FSCN2: variants seen among roughly 807,000 people sequenced by gnomAD.
FSCN2 encodes the protein fascin actin-bundling protein 2, retinal, also known as fascin-2.
Under a neutral mutation model 37.8 loss-of-function variants are expected in FSCN2, and 46 were observed. The ratio of observed to expected loss-of-function variants is 1.22; its 90% confidence interval spans 0.96 to 1.56. FSCN2 has a LOEUF of 1.56. Among genes scored for constraint, FSCN2 ranks in the 40% most tolerant of loss-of-function variants. FSCN2 has a pLI of 0.00. For missense variants in FSCN2, 844 were observed against 730.4 expected (o/e 1.16, Z -1.79); for synonymous variants, 351 against 309.4 (o/e 1.13, Z -1.41).
At position 81,536,903 on chromosome 17, in the gene FSCN2, C is replaced by T. The variant is rs761721612; in HGVS notation, c.1302C>T (p.Gly434=). The T allele has an allele frequency of 2.1e-5, 33 of 1,574,472 alleles. No homozygotes were observed. In the African/African-American group the frequency reaches 3.3e-4, roughly 16 times the overall value. The change falls in exon 5 of 5, where the codon GGC becomes GGT. Residue 434 remains glycine, a synonymous_variant. Transcript: ENST00000417245. ...RGRDGGFWYT[G]SHGSVCSDGE... is the part of the protein sequence containing the mutation. ...GCGACGGAGGGTTCTGGTACACGGG[C>T]AGCCACGGCAGCGTGTGCAGCGACG...
chr17:81,535,845 A>C (rs1326012871), intron 2 of FSCN2, among the ~76,000 whole-genome samples: 8 of 54,998 alleles, frequency 1.5e-4, no homozygotes, highest in African/African-American at 5.7e-4. Flanking sequence ...CCCCATCCCC[A>C]TCTCCATCAC....
chr17:81,529,695 C>T (rs2032486696), intron 1 of FSCN2: 1 of 562,964 alleles, frequency 1.8e-6, no homozygotes, highest in Non-Finnish European at 3.4e-6. Flanking sequence ...GGGCAGTGCC[C>T]AGCAGGGGCA....
chr17:81,536,887 G>T lies in FSCN2; in HGVS notation c.1286G>T (p.Gly429Val). 6.4e-7 allele frequency: 1 copy of T among 1,574,690 alleles called. No homozygotes were observed. The highest frequency in any genetic ancestry group is 1.1e-5 in the South Asian group (1 of 87,752). Reference protein sequence around the residue: ...GAYRIRGRDGGFWYTGSHGSV... With the variant: ...GAYRIRGRDGVFWYTGSHGSV... Reference sequence around the variant, plus strand: ...TCCCGTCCCCCAGGCCGCGACGGAGGGTTCTGGTACACGGGCAGCCACGGC... The same window carrying T: ...TCCCGTCCCCCAGGCCGCGACGGAGTGTTCTGGTACACGGGCAGCCACGGC... The change falls in exon 5 of 5, where the codon GGG (glycine) becomes GTG (valine). Residue 429 changes from glycine to valine, a missense_variant. Coordinates refer to ENST00000417245, the MANE Select transcript of FSCN2 (RefSeq NM_012418.4).
intron 1 of FSCN2, among the ~76,000 whole-genome samples, chr17:81,531,341 G>A (rs199525617): frequency 3.1e-5 from 4 of 128,474 alleles, no homozygotes; most frequent in African/African-American, 8.7e-5. Flanking sequence ...TGGTGATGGT[G>A]GTGGTGATGA....
In FSCN2 at chr17:81,531,744, ATGATAG is replaced by A. The variant is rs1568078108; in HGVS notation, c.826+2392_826+2397del. 2.3e-3 allele frequency among the ~76,000 whole-genome samples: 124 copies of A among 52,826 alleles called. 5 individuals are homozygous for A. The highest frequency in any genetic ancestry group is 8.2e-3 in the African/African-American group (87 of 10,620). The allele number at this position is 52,826 out of a possible 152,430, so 34.7% of individuals were successfully genotyped here. A position where few individuals can be genotyped will look rare whatever the true frequency, so the allele number is the denominator to read the frequency against. On this transcript the variant is annotated intron_variant, in intron 1 of 4. Transcript: ENST00000417245. ...GGTGATGGTGATGGTGATGATGGTG[ATGATAG>A]TGATGGCGATGATGGTGATGATAGT...
chr17:81,519,087 T>C, the FSCN2 span: 1 of 152,268 alleles, frequency 6.6e-6, no homozygotes, highest in Non-Finnish European at 1.5e-5. Context: ...CTTGAGCTGG[T>C]CTGCATTCGG....
upstream of FSCN2, chr17:81,528,355 G>T: frequency 5.1e-6 from 3 of 589,356 alleles, no homozygotes; most frequent in Non-Finnish European, 9.1e-6. Context: ...TCTAAGAGCT[G>T]CCCAGGCTGC....
chr17:81,527,682 G>A (rs1019812176), upstream of FSCN2: 1 of 152,362 alleles, frequency 6.6e-6, no homozygotes, highest in East Asian at 1.9e-4. Context: ...TCACAGCAGA[G>A]GAGGGGGCAG....
At chr17:81,535,598 G>A (rs1345770695) in intron 2 of FSCN2, among the ~76,000 whole-genome samples, 6 of 56,300 alleles carry the variant, frequency 1.1e-4, no homozygotes, top group African/African-American at 3.7e-4. Context: ...TCTCTACCAT[G>A]CCCATCACCA....
Position 81,529,356 on chromosome 17 carries a change from A to G in FSCN2, c.825A>G (p.Gln275=). 3 of 1,536,582 alleles carry G rather than the reference A, an allele frequency of 2.0e-6. No individual in the cohort carries two copies. The South Asian group carries it at 3.8e-5, about 20-fold the overall frequency. Residue 275 remains glutamine (Q), a splice_region_variant and synonymous_variant, in exon 1 of 5, where the codon CAA becomes CAG. Coordinates refer to ENST00000417245, the MANE Select transcript of FSCN2 (RefSeq NM_012418.4). Reference sequence around the variant, plus strand: ...ACCACCGCTACGTCTCTGTGCGGCAAGGTAGGGAGGGCACAGGTGGCGACC... The same window carrying G: ...ACCACCGCTACGTCTCTGTGCGGCAGGGTAGGGAGGGCACAGGTGGCGACC... The part of the protein sequence containing the change: ...AANHRYVSVR[Q]GVNVSANQDD...
chr17:81,518,585 ACT>A, the FSCN2 span, among the ~76,000 whole-genome samples: 1 of 151,414 alleles, frequency 6.6e-6, no homozygotes, highest in East Asian at 2.0e-4. Flanking sequence ...GTTTTCGCTG[ACT>A]CTCCGCACGG....
chr17:81,533,319 C>A (rs918582179), intron 1 of FSCN2, among the ~76,000 whole-genome samples: 4 of 152,204 alleles, frequency 2.6e-5, no homozygotes, highest in Non-Finnish European at 5.9e-5. Context: ...AGAAAACTGG[C>A]CACAGGCTGG....
upstream of FSCN2, chr17:81,527,476 C>A (rs1390607762): frequency 6.6e-6 from 1 of 152,504 alleles, no homozygotes; most frequent in Non-Finnish European, 1.5e-5. Context: ...GGAAGGGGTA[C>A]AGCCAGGTGG....
chr17:81,531,501 ATGGTGG>A (rs1467251043), intron 1 of FSCN2, among the ~76,000 whole-genome samples: 3 of 73,784 alleles, frequency 4.1e-5, no homozygotes, highest in South Asian at 5.4e-4. Flanking sequence ...GGTGATGGTG[ATGGTGG>A]TGATGGTGAT....
chr17:81,532,592 GATGGTGATGATGGTGATGGTGATGATA>G (rs2032727626), intron 1 of FSCN2, among the ~76,000 whole-genome samples: 12 of 148,956 alleles, frequency 8.1e-5, no homozygotes, highest in South Asian at 4.2e-4. Context: ...TAGTGATGGT[GATGGTGATGATGGTGATGGTGATGATA>G]ATGGTGATGA....
intron 1 of FSCN2, among the ~76,000 whole-genome samples, chr17:81,531,425 G>A (rs2032583125): frequency 7.1e-6 from 1 of 141,520 alleles, no homozygotes; most frequent in Non-Finnish European, 1.6e-5. Context: ...TGGTGATAGT[G>A]ATGATGGAGA....
In FSCN2 at chr17:81,529,285, T is replaced by C. The variant is rs782334536; in HGVS notation, c.754T>C (p.Phe252Leu). 5.1e-6 allele frequency: 8 copies of C among 1,583,712 alleles called. No homozygotes were observed. Among genetic ancestry groups the C allele is most frequent in the Non-Finnish European group, 6.0e-6 (7 of 1,162,888 alleles). The change falls in exon 1 of 5, where the codon TTT becomes CTT. Residue 252 changes from phenylalanine to leucine, a missense_variant. Phe to Leu is a conservative substitution (Grantham distance 22). Transcript: ENST00000417245. ...RNTRPGKDEL[F>L]DLEESHPQVV... ...CACGCGACCTGGCAAGGATGAGCTC[T>C]TTGATCTGGAGGAGAGTCACCCACA...
At chr17:81,535,275 A>G (rs2032811776) in intron 2 of FSCN2, 67 bp downstream of exon 2, 6 of 1,030,380 alleles carry the variant, frequency 5.8e-6, no homozygotes, top group Non-Finnish European at 8.2e-6. Context: ...CATCATCACC[A>G]TCCCCACCAT....
At chr17:81,520,017 A>G in the FSCN2 span, among the ~76,000 whole-genome samples, 6 of 152,288 alleles carry the variant, frequency 3.9e-5, no homozygotes, top group Non-Finnish European at 8.8e-5. Flanking sequence ...GGTGGGACTC[A>G]GAGATCTCAC....
Sources: gnomAD v4.1 joint callset for allele counts (sites outside exome capture counted in the v4.1 genomes callset) on GRCh38, gnomAD v4.1.1 for gene constraint, MANE v1.5 for transcripts, NCBI Gene and HGNC (gene_info 2026-07-23, HGNC 2026-07-21) for gene names.